Variants in DGKB observed in about 807,000 individuals in gnomAD.
DGKB encodes 90 kDa diacylglycerol kinase.
In DGKB, 67 loss-of-function variants were observed where a neutral mutation model predicts 114.3. The observed-to-expected ratio is 0.59, with a 90% CI of 0.48 to 0.72. The LOEUF (loss-of-function observed/expected upper bound fraction) is 0.72, where lower values mean the gene tolerates loss of function less well. DGKB is among the 30% of genes least tolerant of loss of function. The probability of loss-of-function intolerance (pLI) is 0.00; values close to 1 mark genes in which losing one functional copy is unlikely to be tolerated. For missense variants in DGKB, 907 were observed against 975.2 expected (o/e 0.93, Z 0.93); for synonymous variants, 398 against 323.1 (o/e 1.23, Z -2.49).
intron 6 of DGKB, among the ~76,000 whole-genome samples, chr7:14,709,529 C>T (rs1235149648): frequency 3.2e-4 from 39 of 121,748 alleles, no homozygotes; most frequent in African/African-American, 8.8e-4. Flanking sequence ...ATGTTTATTG[C>T]GGCATTATTC....
intron 20 of DGKB, among the ~76,000 whole-genome samples, chr7:14,566,843 C>G (rs1287589264): frequency 6.6e-6 from 1 of 151,814 alleles, no homozygotes; most frequent in African/African-American, 2.4e-5. Flanking sequence ...TGGTGTCCAG[C>G]TCACTTATGT....
intron 21 of DGKB, among the ~76,000 whole-genome samples, chr7:14,430,979 C>T (rs906719508): frequency 6.6e-6 from 1 of 152,230 alleles, no homozygotes; most frequent in African/African-American, 2.4e-5. Context: ...AGAGGAATTT[C>T]CCTCTGAAGT....
chr7:14,875,808 A>C (rs1324445901), intron 1 of DGKB, among the ~76,000 whole-genome samples: 2 of 151,490 alleles, frequency 1.3e-5, no homozygotes, highest in Admixed American at 6.6e-5. Context: ...AAACATTATG[A>C]GGTTTTTTTT....
intron 20 of DGKB, among the ~76,000 whole-genome samples, chr7:14,571,579 T>C (rs1798388115): frequency 6.6e-6 from 1 of 152,190 alleles, no homozygotes; most frequent in African/African-American, 2.4e-5. Flanking sequence ...AAAATCTGTA[T>C]GGATTTGCAA....
chr7:14,737,281 C>T (rs1229937121), intron 4 of DGKB, among the ~76,000 whole-genome samples: 1 of 129,958 alleles, frequency 7.7e-6, no homozygotes, highest in Non-Finnish European at 1.6e-5. Flanking sequence ...CCTTGAAGGC[C>T]AATTTTTTTT....
At chr7:14,694,770 G>A (rs1823519532) in intron 8 of DGKB, among the ~76,000 whole-genome samples, 1 of 152,026 alleles carries the variant, frequency 6.6e-6, no homozygotes, top group South Asian at 2.1e-4. Flanking sequence ...TGGTATGGTG[G>A]CAATATCAGT....
At chr7:14,710,370 A>G (rs897330000) in intron 6 of DGKB, among the ~76,000 whole-genome samples, 8 of 152,122 alleles carry the variant, frequency 5.3e-5, no homozygotes, top group Non-Finnish European at 1.2e-4. Flanking sequence ...GTAGGCATAG[A>G]TCTTGCTAAA....
intron 23 of DGKB, among the ~76,000 whole-genome samples, chr7:14,294,169 G>A (rs1007440884): frequency 6.6e-6 from 1 of 152,072 alleles, no homozygotes; most frequent in Non-Finnish European, 1.5e-5. Context: ...CCTGTCATCT[G>A]TCTGGTCCTC....
chr7:14,339,583 C>T (rs1327965185), intron 22 of DGKB, among the ~76,000 whole-genome samples: 1 of 151,870 alleles, frequency 6.6e-6, no homozygotes, highest in Non-Finnish European at 1.5e-5. Context: ...TTGAATTTTC[C>T]ATTCATTTCC....
chr7:14,523,405 G>A (rs1250516745), intron 20 of DGKB, among the ~76,000 whole-genome samples: 1 of 152,066 alleles, frequency 6.6e-6, no homozygotes. Flanking sequence ...GCTCCCTCAG[G>A]TGCAGCCTTC....
At chr7:14,217,123 C>G (rs1421921585) in intron 23 of DGKB, among the ~76,000 whole-genome samples, 1 of 152,108 alleles carries the variant, frequency 6.6e-6, no homozygotes, top group Non-Finnish European at 1.5e-5. Context: ...AAGGGCCAGA[C>G]AGTCTAGTCT....
intron 21 of DGKB, among the ~76,000 whole-genome samples, chr7:14,358,212 G>A (rs192394614): frequency 1.2e-3 from 183 of 152,196 alleles, no homozygotes; most frequent in Non-Finnish European, 1.9e-3. Flanking sequence ...CATTCTCCCC[G>A]TCACTTTCAG....
chr7:14,405,268 T>G (rs1823763890), intron 21 of DGKB, among the ~76,000 whole-genome samples: 1 of 151,996 alleles, frequency 6.6e-6, no homozygotes, highest in Non-Finnish European at 1.5e-5. Flanking sequence ...AAAAATAAAT[T>G]ACAGTAAAGA....
rs1847921693 is a variant in DGKB at position 14,841,461 on chromosome 7, A to C, written c.-187-11T>G. 6.9e-6 allele frequency: 3 copies of C among 433,776 alleles called. No homozygotes were observed. The highest frequency in any genetic ancestry group is 1.2e-5 in the Non-Finnish European group (3 of 242,424). The allele number at this position is 433,776 out of a possible 1,614,324, so 26.9% of individuals were successfully genotyped here. On this transcript the variant is annotated splice_polypyrimidine_tract_variant and intron_variant, in intron 1 of 25. Transcript: ENST00000402815. ...TAATGTGTTAAAGAACTGCAAAAAA[A>C]AAAAACAGATCAAGATCAAAAGATT...
intron 2 of DGKB, among the ~76,000 whole-genome samples, chr7:14,808,487 A>C (rs1002129340): frequency 5.3e-5 from 8 of 152,086 alleles, no homozygotes; most frequent in African/African-American, 1.9e-4. Context: ...GATAAGATTA[A>C]CTAGAAAAAA....
chr7:14,874,614 T>A (rs1475047262), intron 1 of DGKB, among the ~76,000 whole-genome samples: 1 of 151,970 alleles, frequency 6.6e-6, no homozygotes, highest in Non-Finnish European at 1.5e-5. Context: ...TATCTATATA[T>A]AAATGGGGTA....
Position 14,694,316 on chromosome 7 carries a change from C to T in DGKB, c.592-122G>A. The stretch of plus-strand genomic sequence containing the variant: ...AGTTGGGATAACTGTCTTGCTAACT[C>T]AGTACAACATTAATTCTATTACTGA... On this transcript the variant is annotated intron_variant, in intron 8 of 25. Transcript: ENST00000402815. 9.4e-6 allele frequency: 8 copies of T among 849,360 alleles called. No homozygotes were observed. The South Asian group carries it at 1.4e-4, about 15-fold the overall frequency. The allele number at this position is 849,360 out of a possible 1,614,324, so 52.6% of individuals were successfully genotyped here. A position where few individuals can be genotyped will look rare whatever the true frequency, so the allele number is the denominator to read the frequency against.
intron 20 of DGKB, among the ~76,000 whole-genome samples, chr7:14,506,918 T>G (rs555569270): frequency 6.6e-6 from 1 of 152,198 alleles, no homozygotes; most frequent in Non-Finnish European, 1.5e-5. Context: ...ACAGTAGTTA[T>G]GTATCAAGAG....
chr7:14,862,420 C>T (rs749423221), intron 1 of DGKB, among the ~76,000 whole-genome samples: 1 of 151,994 alleles, frequency 6.6e-6, no homozygotes, highest in Non-Finnish European at 1.5e-5. Flanking sequence ...TTTAAGTGTT[C>T]TCTATAACCT....
Sources: allele counts gnomAD v4.1 joint callset (sites outside exome capture counted in the v4.1 genomes callset), GRCh38; gene constraint gnomAD v4.1.1; transcripts MANE v1.5; gene names NCBI Gene and HGNC (gene_info 2026-07-23, HGNC 2026-07-21).